The following OPN5 variants were observed in gnomAD, a reference collection of about 807,000 sequenced individuals.
OPN5 encodes opsin 5.
A neutral mutation model predicts 41.7 loss-of-function variants in OPN5; 18 were observed. That is an observed-to-expected ratio of 0.43 (90% CI 0.30 to 0.64). OPN5 has a LOEUF of 0.64. Ranked by LOEUF, OPN5 falls within the 30% of genes least tolerant of loss-of-function variation. The probability of loss-of-function intolerance (pLI) is 0.13; values close to 1 mark genes in which losing one functional copy is unlikely to be tolerated. For synonymous variants in OPN5, 178 were observed against 164.3 expected, an observed-to-expected ratio of 1.08 and a Z score of -0.64; for missense variants, 318 against 434.5, an observed-to-expected ratio of 0.73 and a Z score of 2.38.
intron 1 of OPN5, 103 bp from the exon 2 acceptor site, chr6:47,786,412 C>T (rs1773192988): frequency 1.1e-6 from 1 of 891,000 alleles, no homozygotes; most frequent in Admixed American, 2.2e-5. Context: ...TCTCACTACC[C>T]TCTAAATCTA....
chr6:47,788,355 G>T (rs930894206), intron 2 of OPN5, among the ~76,000 whole-genome samples: 1 of 152,138 alleles, frequency 6.6e-6, no homozygotes, highest in Non-Finnish European at 1.5e-5. Flanking sequence ...ATCCTTCATC[G>T]GTGAATAATA....
chr6:47,786,501 A>G lies in OPN5; in HGVS notation c.131-14A>G. 6.3e-7 allele frequency: 1 copy of G among 1,596,806 alleles called. No homozygotes were observed. Among genetic ancestry groups the G allele is most frequent in the South Asian group, 1.1e-5 (1 of 88,430 alleles). On this transcript the variant is annotated splice_polypyrimidine_tract_variant and intron_variant, in intron 1 of 6. Coordinates refer to ENST00000371211, the Ensembl canonical transcript of OPN5. The stretch of plus-strand genomic sequence containing the variant: ...CTTAGTTTTAACGATTGGAATTTTT[A>G]TTTTTCCTTGTAGGGATTCTGTCCA...
chr6:47,806,456 C>T (rs559253807), intron 4 of OPN5, among the ~76,000 whole-genome samples: 2 of 152,130 alleles, frequency 1.3e-5, no homozygotes, highest in Admixed American at 1.3e-4. Flanking sequence ...TGTACATGGG[C>T]AGGGATGTGT....
At chr6:47,784,413 C>CA (rs527521555) in intron 1 of OPN5, among the ~76,000 whole-genome samples, 180 of 152,218 alleles carry the variant, frequency 1.2e-3, no homozygotes, top group African/African-American at 4.1e-3. Flanking sequence ...TCTTGTGCCT[C>CA]AACCTCCTGA....
chr6:47,795,258 A>G, exon 4 of OPN5: 4 of 1,607,604 alleles, frequency 2.5e-6, no homozygotes, highest in Non-Finnish European at 3.4e-6. Context: ...GCACGCCTAC[A>G]TCTGCCTGGC....
chr6:47,821,662 T>G (rs968555055), intron 6 of OPN5, among the ~76,000 whole-genome samples: 2 of 152,348 alleles, frequency 1.3e-5, no homozygotes, highest in Non-Finnish European at 2.9e-5. Context: ...TCCTATAGTT[T>G]CAGGCCAATG....
At chr6:47,793,459 G>A (rs1349928762) in intron 3 of OPN5, among the ~76,000 whole-genome samples, 2 of 152,104 alleles carry the variant, frequency 1.3e-5, no homozygotes, top group Admixed American at 1.3e-4. Context: ...GGAATTAGAA[G>A]GTCGCTTGGG....
intron 6 of OPN5, among the ~76,000 whole-genome samples, chr6:47,812,629 C>A (rs538404908): frequency 6.6e-6 from 1 of 152,076 alleles, no homozygotes; most frequent in African/African-American, 2.4e-5. Context: ...GATACTATGT[C>A]CAAATAGGTT....
chr6:47,799,048 G>C (rs950156789), intron 4 of OPN5, among the ~76,000 whole-genome samples: 2 of 152,042 alleles, frequency 1.3e-5, no homozygotes, highest in Non-Finnish European at 2.9e-5. Flanking sequence ...TATTCTGCCG[G>C]TCTGATCTCG....
exon 4 of OPN5, chr6:47,795,359 C>A (rs774218379): frequency 1.2e-6 from 2 of 1,614,128 alleles, no homozygotes; most frequent in Non-Finnish European, 1.7e-6. Context: ...CCTCGTGCAC[C>A]CTGGACTGGT....
At chr6:47,795,096 G>A (rs1773499669) in intron 3 of OPN5, 133 bp from the exon 4 acceptor site, 1 of 705,444 alleles carries the variant, frequency 1.4e-6, no homozygotes, top group East Asian at 2.7e-5. Context: ...CTCTCCCTCA[G>A]GCTTCAGTTA....
intron 6 of OPN5, among the ~76,000 whole-genome samples, chr6:47,816,066 T>C (rs910892144): frequency 1.3e-5 from 2 of 152,092 alleles, no homozygotes; most frequent in African/African-American, 4.8e-5. Flanking sequence ...CGTGCTTTGT[T>C]GGTTTTGTTT....
chr6:47,798,132 A>T (rs2113968254), intron 4 of OPN5, among the ~76,000 whole-genome samples: 1 of 152,236 alleles, frequency 6.6e-6, no homozygotes, highest in East Asian at 1.9e-4. Context: ...ATACTAAATG[A>T]TATTATAGCA....
intron 6 of OPN5, 141 bp downstream of exon 6, chr6:47,811,872 G>T: frequency 4.0e-6 from 2 of 496,686 alleles, no homozygotes; most frequent in East Asian, 3.2e-5. Flanking sequence ...CAAGCCAGGG[G>T]TTGCTGGGAA....
chr6:47,801,821 T>TC (rs549335697), intron 4 of OPN5, among the ~76,000 whole-genome samples: 15 of 151,956 alleles, frequency 9.9e-5, no homozygotes, highest in Non-Finnish European at 2.1e-4. Flanking sequence ...TGTTTTTTTT[T>TC]TCTCTCTGTG....
At position 47,811,805 on chromosome 6, in the gene OPN5, G is replaced by T. The variant is rs1774215845; in HGVS notation, c.1056+74G>T. 1.2e-5 allele frequency: 11 copies of T among 915,478 alleles called. No individual in the cohort carries two copies. In the South Asian group the frequency reaches 1.5e-4, roughly 12 times the overall value. 56.7% of individuals were successfully genotyped at this position (915,478 alleles called of 1,614,324 possible). On this transcript the variant is annotated intron_variant, in intron 6 of 6. Coordinates refer to ENST00000371211, the Ensembl canonical transcript of OPN5. The stretch of plus-strand genomic sequence containing the variant: ...TGCCTCTTCACTGCTGTAAACATTT[G>T]ATTGTGGCCACACTTTTGTCTTTAT...
exon 4 of OPN5, chr6:47,795,275 C>A: frequency 6.2e-7 from 1 of 1,612,450 alleles, no homozygotes; most frequent in Non-Finnish European, 8.5e-7. Flanking sequence ...TGGCAGCCAT[C>A]TGGGCCTATG....
At chr6:47,800,451 T>A (rs1481461690) in intron 4 of OPN5, among the ~76,000 whole-genome samples, 1 of 152,154 alleles carries the variant, frequency 6.6e-6, no homozygotes, top group African/African-American at 2.4e-5. Context: ...GCTATGAGTG[T>A]CAGACATGCA....
chr6:47,795,146 G>T, intron 3 of OPN5, 83 bp from the exon 4 acceptor site: 1 of 1,029,234 alleles, frequency 9.7e-7, no homozygotes, highest in Non-Finnish European at 1.4e-6. Context: ...ATAAATCTTT[G>T]GAGGTGGAAT....
Sources: gnomAD v4.1 joint callset for allele counts (sites outside exome capture counted in the v4.1 genomes callset) on GRCh38, gnomAD v4.1.1 for gene constraint, MANE v1.5 for transcripts, NCBI Gene and HGNC (gene_info 2026-07-23, HGNC 2026-07-21) for gene names.